The following ADAMTSL1 variants were observed in gnomAD, a reference collection of about 807,000 sequenced individuals.
ADAMTSL1 encodes ADAMTS like 1, also known as ADAMTS-like protein 1.
In ADAMTSL1, 126 loss-of-function variants were observed where a neutral mutation model predicts 201.8. The ratio of observed to expected loss-of-function variants is 0.62; its 90% CI spans 0.54 to 0.72. The LOEUF is 0.72. Ranked by LOEUF, ADAMTSL1 falls within the 30% of genes least tolerant of loss-of-function variation. The pLI, the probability that ADAMTSL1 is intolerant of heterozygous loss-of-function variation, is 0.00. For synonymous variants in ADAMTSL1, 1,121 were observed against 903.4 expected, an observed-to-expected ratio of 1.24 and a Z score of -4.32; for missense variants, 2,679 against 2,277.8, an observed-to-expected ratio of 1.18 and a Z score of -3.59.
intron 2 of ADAMTSL1, among the ~76,000 whole-genome samples, chr9:18,445,084 G>A (rs979348022): frequency 6.6e-6 from 1 of 152,110 alleles, no homozygotes; most frequent in African/African-American, 2.4e-5. Flanking sequence ...CTTAAACACT[G>A]TGATATTCTT....
At chr9:18,781,368 G>A (rs951152140) in intron 19 of ADAMTSL1, among the ~76,000 whole-genome samples, 10 of 152,130 alleles carry the variant, frequency 6.6e-5, no homozygotes, top group Admixed American at 4.6e-4. Context: ...TTCAATGCAC[G>A]TTAATGGCAT....
intron 1 of ADAMTSL1, among the ~76,000 whole-genome samples, chr9:18,070,019 A>G (rs1322677350): frequency 6.6e-6 from 1 of 152,230 alleles, no homozygotes; most frequent in Non-Finnish European, 1.5e-5. Context: ...TTGAGTGGAA[A>G]TGTCTGCATG....
intron 2 of ADAMTSL1, among the ~76,000 whole-genome samples, chr9:18,403,978 G>C (rs1818083985): frequency 6.6e-6 from 1 of 152,080 alleles, no homozygotes; most frequent in Non-Finnish European, 1.5e-5. Context: ...TTCTCAAATT[G>C]AGTGCCCCGT....
intron 13 of ADAMTSL1, among the ~76,000 whole-genome samples, chr9:18,704,543 A>G (rs1233321527): frequency 1.3e-5 from 2 of 152,250 alleles, no homozygotes; most frequent in Non-Finnish European, 2.9e-5. Context: ...TCTTACATAC[A>G]AAATAGTTGA....
chr9:18,856,349 T>C (rs1272581535), intron 23 of ADAMTSL1, among the ~76,000 whole-genome samples: 2 of 151,934 alleles, frequency 1.3e-5, no homozygotes, highest in Non-Finnish European at 2.9e-5. Flanking sequence ...GTATTGCTTA[T>C]TCAGATGATA....
intron 26 of ADAMTSL1, among the ~76,000 whole-genome samples, chr9:18,896,218 C>A (rs1233697586): frequency 6.6e-6 from 1 of 152,060 alleles, no homozygotes; most frequent in Non-Finnish European, 1.5e-5. Context: ...TCTACAAATC[C>A]AAGAAGCTAA....
rs551519858 is a variant in ADAMTSL1, at chr9:18,681,705, G to C, written c.1342-107G>C. Reference sequence around the variant, plus strand: ...TACCAGGAGTCCTCGTGTGGGGGGGGGGGGCGGGGAAAAAGAAAACTTAGA... The same window carrying C: ...TACCAGGAGTCCTCGTGTGGGGGGGCGGGGCGGGGAAAAAGAAAACTTAGA... On this transcript the variant is annotated intron_variant, in intron 11 of 28. Coordinates refer to ENST00000380548, the MANE Select transcript of ADAMTSL1 (RefSeq NM_001040272.6). 172 of 721,026 alleles carry C rather than the reference G, an allele frequency of 2.4e-4. 5 individuals carry two copies. Among genetic ancestry groups the C allele is most frequent in the Middle Eastern group, 9.2e-4 (2 of 2,180 alleles). 44.7% of individuals were successfully genotyped at this position (721,026 alleles called of 1,614,324 possible). A position where few individuals can be genotyped will look rare whatever the true frequency, so the allele number is the denominator to read the frequency against.
At chr9:18,622,391 G>T in intron 5 of ADAMTSL1, 22 bp downstream of exon 5, 2 of 1,613,898 alleles carry the variant, frequency 1.2e-6, no homozygotes, top group Non-Finnish European at 1.7e-6. Flanking sequence ...AGAGATGGGC[G>T]ACCTTTGGAC....
At chr9:17,920,709 A>C (rs1826267735) in intron 1 of ADAMTSL1, among the ~76,000 whole-genome samples, 1 of 152,210 alleles carries the variant, frequency 6.6e-6, no homozygotes, top group African/African-American at 2.4e-5. Flanking sequence ...CTCTAAAGCA[A>C]AGGTCGGCAA....
At chr9:18,690,772 A>G (rs937325551) in intron 13 of ADAMTSL1, among the ~76,000 whole-genome samples, 1 of 152,082 alleles carries the variant, frequency 6.6e-6, no homozygotes, top group African/African-American at 2.4e-5. Flanking sequence ...CTCACTTCCA[A>G]CACCTTCCTT....
At chr9:18,169,208 T>C (rs1041732596) in intron 2 of ADAMTSL1, among the ~76,000 whole-genome samples, 6 of 151,970 alleles carry the variant, frequency 3.9e-5, no homozygotes, top group Non-Finnish European at 8.8e-5. Flanking sequence ...CCCATGCCTA[T>C]GTCCTGAATG....
chr9:18,534,166 CAG>C (rs1448502271), intron 3 of ADAMTSL1, among the ~76,000 whole-genome samples: 1 of 152,136 alleles, frequency 6.6e-6, no homozygotes, highest in Non-Finnish European at 1.5e-5. Context: ...TATGATGTTA[CAG>C]AGTTTCCCTT....
intron 23 of ADAMTSL1, among the ~76,000 whole-genome samples, chr9:18,848,246 C>A (rs375618562): frequency 3.3e-5 from 5 of 152,092 alleles, no homozygotes; most frequent in African/African-American, 4.8e-5. Flanking sequence ...CCAATTAATT[C>A]GAGATCTCAG....
At chr9:18,414,615 G>A (rs1818593826) in intron 2 of ADAMTSL1, among the ~76,000 whole-genome samples, 1 of 152,186 alleles carries the variant, frequency 6.6e-6, no homozygotes, top group African/African-American at 2.4e-5. Flanking sequence ...CCTTGAGAGA[G>A]TTTTCAGGCT....
intron 2 of ADAMTSL1, among the ~76,000 whole-genome samples, chr9:18,172,495 A>C (rs914649411): frequency 6.6e-6 from 1 of 152,132 alleles, no homozygotes; most frequent in East Asian, 1.9e-4. Flanking sequence ...TGTCAGTGAG[A>C]AAGTAAGGTT....
chr9:18,528,977 T>TA lies in ADAMTSL1; in HGVS notation c.192-4262dup, dbSNP rs1344481807. 1.4e-4 allele frequency among the ~76,000 whole-genome samples: 22 copies of TA among 152,128 alleles called. No homozygotes were observed. The East Asian group carries it at 3.3e-3, about 23-fold the overall frequency. On this transcript the variant is annotated intron_variant, in intron 2 of 28. Transcript: ENST00000380548. ...CAGCTGTTTTATATTAACGACCTGT[T>TA]AAAAAAAAGAAGGAAAACATTTTTT...
chr9:18,356,975 G>C (rs898253739), intron 2 of ADAMTSL1, among the ~76,000 whole-genome samples: 4 of 152,098 alleles, frequency 2.6e-5, no homozygotes, highest in African/African-American at 9.7e-5. Flanking sequence ...CAATTTCTTA[G>C]TAATGTGTAC....
chr9:18,527,595 TTG>T (rs1440952010), intron 2 of ADAMTSL1, among the ~76,000 whole-genome samples: 1 of 152,182 alleles, frequency 6.6e-6, no homozygotes, highest in Non-Finnish European at 1.5e-5. Context: ...TCTTCTCAGG[TTG>T]TTAAATGACA....
intron 2 of ADAMTSL1, among the ~76,000 whole-genome samples, chr9:18,206,166 T>G (rs1829641625): frequency 6.6e-6 from 1 of 152,028 alleles, no homozygotes; most frequent in South Asian, 2.1e-4. Context: ...TGGATCATCT[T>G]TTCATTGCAG....
Sources: gnomAD v4.1 joint callset for allele counts (sites outside exome capture counted in the v4.1 genomes callset) on GRCh38, gnomAD v4.1.1 for gene constraint, MANE v1.5 for transcripts, NCBI Gene and HGNC (gene_info 2026-07-23, HGNC 2026-07-21) for gene names.